The following CNTLN variants were observed in gnomAD, a reference collection of about 807,000 sequenced individuals.
The protein encoded by CNTLN is centlein, centrosomal protein.
CNTLN carries 212 observed loss-of-function variants against 180.0 expected under a neutral mutation model. The observed-to-expected ratio is 1.18, with a 90% CI of 1.05 to 1.32. The LOEUF is 1.32. CNTLN is among the 40% of genes most tolerant of loss of function. The pLI, the probability that CNTLN is intolerant of heterozygous loss-of-function variation, is 0.00. For missense variants in CNTLN, 2,095 were observed against 1,610.9 expected (o/e 1.30, Z -5.14); for synonymous variants, 722 against 563.1 (o/e 1.28, Z -3.99).
intron 2 of CNTLN, among the ~76,000 whole-genome samples, chr9:17,216,899 G>A (rs1186313800): frequency 6.6e-6 from 1 of 152,218 alleles, no homozygotes; most frequent in Non-Finnish European, 1.5e-5. Flanking sequence ...CCATCTGGTA[G>A]CAATGCTGCC....
At chr9:17,414,255 C>G (rs935891486) in intron 16 of CNTLN, among the ~76,000 whole-genome samples, 4 of 152,162 alleles carry the variant, frequency 2.6e-5, no homozygotes, top group African/African-American at 9.7e-5. Context: ...TTTTTGACCT[C>G]TGACATTTCC....
intron 12 of CNTLN, among the ~76,000 whole-genome samples, chr9:17,361,292 T>C (rs1007253457): frequency 3.9e-5 from 6 of 152,100 alleles, no homozygotes; most frequent in Non-Finnish European, 5.9e-5. Flanking sequence ...TTTAAAACAC[T>C]TTTTTAGCAC....
intron 6 of CNTLN, among the ~76,000 whole-genome samples, chr9:17,294,789 AG>A (rs1231134202): frequency 0.1 from 1,266 of 12,174 alleles, 182 homozygotes; most frequent in South Asian, 0.33. Context: ...GAGGGGAGGG[AG>A]GGGGGGAGGG....
chr9:17,407,161 C>G (rs1351253838), intron 15 of CNTLN, among the ~76,000 whole-genome samples: 1 of 151,960 alleles, frequency 6.6e-6, no homozygotes, highest in Admixed American at 6.6e-5. Flanking sequence ...AAGGAGAACC[C>G]AAATGATATG....
intron 18 of CNTLN, among the ~76,000 whole-genome samples, chr9:17,455,832 AG>A (rs1831079846): frequency 7.0e-6 from 1 of 143,552 alleles, no homozygotes; most frequent in Non-Finnish European, 1.5e-5. Context: ...AATGGCAGGC[AG>A]GTTTGGCTTC....
At chr9:17,157,337 C>G (rs1452877714) in intron 2 of CNTLN, among the ~76,000 whole-genome samples, 1 of 152,062 alleles carries the variant, frequency 6.6e-6, no homozygotes, top group African/African-American at 2.4e-5. Context: ...TTATCCTTTG[C>G]TAATACCATT....
chr9:17,262,258 A>G (rs1030117081), intron 5 of CNTLN, among the ~76,000 whole-genome samples: 1 of 151,576 alleles, frequency 6.6e-6, no homozygotes, highest in Non-Finnish European at 1.5e-5. Context: ...TCATTCTACT[A>G]TAAAGACACA....
chr9:17,474,086 C>T (rs1286268211), intron 23 of CNTLN, among the ~76,000 whole-genome samples: 3 of 152,224 alleles, frequency 2.0e-5, no homozygotes, highest in East Asian at 1.9e-4. Flanking sequence ...TATCTATACT[C>T]GCTCTCTAGA....
In CNTLN at chr9:17,188,836, G is replaced by C. The variant is rs146149760; in HGVS notation, c.450-37367G>C. ...TAAATGTTTATAAAAACTGTTTCAAGGTTTTTGAATTGCTTAATTTCATTA... is the reference window on the plus strand; with the variant it reads ...TAAATGTTTATAAAAACTGTTTCAACGTTTTTGAATTGCTTAATTTCATTA... On this transcript the variant is annotated intron_variant, in intron 2 of 25. Transcript: ENST00000380647. Among the ~76,000 whole-genome samples the C allele has an allele frequency of 1.6e-3, 238 of 151,784 alleles. 1 individual carries two copies. Among genetic ancestry groups the C allele is most frequent in the African/African-American group, 5.5e-3 (229 of 41,416 alleles).
At chr9:17,141,235 C>T (rs1818067977) in intron 1 of CNTLN, among the ~76,000 whole-genome samples, 2 of 151,932 alleles carry the variant, frequency 1.3e-5, no homozygotes, top group South Asian at 4.1e-4. Context: ...ATCTGCCACA[C>T]AAGTAAAACC....
chr9:17,435,751 C>A (rs28639570), intron 18 of CNTLN, among the ~76,000 whole-genome samples: 1 of 152,160 alleles, frequency 6.6e-6, no homozygotes, highest in African/African-American at 2.4e-5. Flanking sequence ...TTAGTAGAGA[C>A]AGGGTTTCAC....
intron 2 of CNTLN, among the ~76,000 whole-genome samples, chr9:17,192,103 G>T (rs115474121): frequency 0.013 from 2,049 of 152,204 alleles, 50 homozygotes; most frequent in African/African-American, 0.047. Context: ...GATTCTATGT[G>T]TTCATAGTTT....
intron 6 of CNTLN, among the ~76,000 whole-genome samples, chr9:17,276,833 G>A (rs1268585804): frequency 6.6e-6 from 1 of 151,898 alleles, no homozygotes; most frequent in Non-Finnish European, 1.5e-5. Flanking sequence ...TTGTTATACT[G>A]TATTTTTTGT....
chr9:17,370,863 A>C (rs1824261244), intron 13 of CNTLN, among the ~76,000 whole-genome samples: 1 of 152,190 alleles, frequency 6.6e-6, no homozygotes. Context: ...TTGTTAATCC[A>C]GTTAAAATAA....
At chr9:17,489,420 T>G (rs1833037863) in intron 25 of CNTLN, among the ~76,000 whole-genome samples, 1 of 152,140 alleles carries the variant, frequency 6.6e-6, no homozygotes, top group Admixed American at 6.6e-5. Flanking sequence ...TTCAAATATT[T>G]TGATAAAATT....
At chr9:17,480,585 T>G (rs928717582) in intron 23 of CNTLN, among the ~76,000 whole-genome samples, 1 of 152,182 alleles carries the variant, frequency 6.6e-6, no homozygotes, top group Non-Finnish European at 1.5e-5. Flanking sequence ...CAAAGCCATG[T>G]GGAACATTCA....
chr9:17,236,572 C>G lies in CNTLN; in HGVS notation c.833C>G (p.Thr278Ser). Residue 278 changes from threonine (T) to serine (S), a missense_variant, in exon 5 of 26, where the codon ACT becomes AGT. By Grantham distance (58) the Thr-to-Ser change is moderately conservative. Transcript: ENST00000380647. ...CATTTGAGAAAAGAAAAATATAGCA[C>G]TGATGCAAAAATAAAGGTATACAAT... The part of the protein sequence containing the change: ...EAHLRKEKYS[T>S]DAKIKTFEDN... The G allele has an allele frequency of 6.2e-7, 1 of 1,607,562 alleles. No homozygotes were observed. Among genetic ancestry groups the G allele is most frequent in the Non-Finnish European group, 8.5e-7 (1 of 1,177,896 alleles).
chr9:17,445,528 A>C (rs898807032), intron 18 of CNTLN, among the ~76,000 whole-genome samples: 1 of 152,180 alleles, frequency 6.6e-6, no homozygotes, highest in Non-Finnish European at 1.5e-5. Context: ...GTGCTGTGTC[A>C]ACTCAGAGTT....
At chr9:17,405,454 C>T (rs1176126190) in intron 15 of CNTLN, among the ~76,000 whole-genome samples, 2 of 151,686 alleles carry the variant, frequency 1.3e-5, no homozygotes, top group Admixed American at 6.6e-5. Context: ...TCATCATGGC[C>T]GAAGGTGGAA....
Sources: allele counts gnomAD v4.1 joint callset (sites outside exome capture counted in the v4.1 genomes callset), GRCh38; gene constraint gnomAD v4.1.1; transcripts MANE v1.5; gene names NCBI Gene and HGNC (gene_info 2026-07-23, HGNC 2026-07-21).